The following STON2 variants were observed in gnomAD, a reference collection of about 807,000 sequenced individuals.
The protein encoded by STON2 is stonin-2.
Under a neutral mutation model 65.7 loss-of-function variants are expected in STON2, and 29 were observed. The observed-to-expected ratio is 0.44, with a 90% CI of 0.33 to 0.60. STON2 has a LOEUF of 0.60. STON2 is among the 20% of genes least tolerant of loss of function. The pLI is 0.03. For missense variants in STON2, 1,054 were observed against 1,118.1 expected (o/e 0.94, Z 0.82); for synonymous variants, 404 against 414.2 (o/e 0.98, Z 0.30).
intron 3 of STON2, 136 bp downstream of exon 3, chr14:81,395,758 T>C: frequency 1.2e-6 from 1 of 837,876 alleles, no homozygotes; most frequent in South Asian, 1.7e-5. Flanking sequence ...GAGAACTCCG[T>C]CTGCTCTCCC....
intron 2 of STON2, among the ~76,000 whole-genome samples, chr14:81,422,997 C>T (rs1172534487): frequency 3.3e-5 from 5 of 151,194 alleles, no homozygotes; most frequent in Non-Finnish European, 7.4e-5. Context: ...ATGGCACCAC[C>T]GCACTCCAGC....
chr14:81,278,415 C>A lies in STON2; in HGVS notation c.1067G>T (p.Arg356Leu). 3.1e-6 allele frequency: 5 copies of A among 1,614,122 alleles called. No homozygotes were observed. The highest frequency in any genetic ancestry group is 1.7e-5 in the Admixed American group (1 of 60,022). Residue 356 changes from arginine to leucine, a missense_variant, in exon 6 of 8, where the codon CGC (arginine) becomes CTC (leucine). By Grantham distance (102) the Arg-to-Leu change is moderately radical. Coordinates refer to ENST00000614646, the MANE Select transcript of STON2 (RefSeq NM_001394390.1). Reference sequence around the variant, plus strand: ...TGAAGCCTCAGTTACAGAAGGCGTGCGGTTTAAAGAGGAAATATCCAGCTT... The same window carrying A: ...TGAAGCCTCAGTTACAGAAGGCGTGAGGTTTAAAGAGGAAATATCCAGCTT... The part of the protein sequence containing the change: ...VQKLDISSLN[R>L]TPSVTEASPW...
At chr14:81,369,106 GTCCTT>G in intron 4 of STON2, among the ~76,000 whole-genome samples, 1 of 152,216 alleles carries the variant, frequency 6.6e-6, no homozygotes, top group Non-Finnish European at 1.5e-5. Context: ...CAGTGGCTCT[GTCCTT>G]TCTGTCGCCA....
intron 5 of STON2, among the ~76,000 whole-genome samples, chr14:81,305,764 T>A (rs1896148573): frequency 6.6e-6 from 1 of 152,186 alleles, no homozygotes; most frequent in African/African-American, 2.4e-5. Flanking sequence ...TTAAGTCTCG[T>A]TTAAGATATA....
Position 81,370,975 on chromosome 14 carries a change from A to G in STON2, c.571+13T>C. The G allele has an allele frequency of 6.2e-7, 1 of 1,611,210 alleles. No individual in the cohort carries two copies. Among genetic ancestry groups the G allele is most frequent in the South Asian group, 1.1e-5 (1 of 90,944 alleles). On this transcript the variant is annotated intron_variant, in intron 4 of 7. Transcript: ENST00000614646. ...TGATTTGCAAAGCCCTCTGGCTTAG[A>G]GCTCCATCTTACCAGTTGAGTCAGC...
At chr14:81,363,156 C>A (rs1364992003) in intron 4 of STON2, among the ~76,000 whole-genome samples, 1 of 152,046 alleles carries the variant, frequency 6.6e-6, no homozygotes, top group Admixed American at 6.6e-5. Flanking sequence ...GTGACTTTTG[C>A]CAAATCATTT....
chr14:81,261,308 T>G lies in STON2; in HGVS notation c.*7106A>C, dbSNP rs1257616703. On this transcript the variant is annotated 3_prime_UTR_variant, in exon 8 of 8. Transcript: ENST00000614646. Reference sequence around the variant, plus strand: ...TGTGGGGCTAGACAGCATCCCCAACTAGAATTGAGGGTTTGATCTGTGGGG... The same window carrying G: ...TGTGGGGCTAGACAGCATCCCCAACGAGAATTGAGGGTTTGATCTGTGGGG... 6.6e-6 allele frequency: 1 copy of G among 152,288 alleles called. No homozygotes were observed. Among genetic ancestry groups the G allele is most frequent in the Non-Finnish European group, 1.5e-5 (1 of 68,174 alleles). 9.4% of individuals were successfully genotyped at this position (152,288 alleles called of 1,614,324 possible). A position where few individuals can be genotyped will look rare whatever the true frequency, so the allele number is the denominator to read the frequency against.
chr14:81,302,469 G>C (rs1051138167), intron 5 of STON2, among the ~76,000 whole-genome samples: 8 of 152,200 alleles, frequency 5.3e-5, no homozygotes, highest in African/African-American at 1.9e-4. Flanking sequence ...GAATGTTAAA[G>C]CATTTATGCA....
Position 81,264,502 on chromosome 14 carries a change from T to TA in STON2, c.*3911dup, listed in dbSNP as rs1436605001. ...AGCATTTAAGGTGGCTGAACCCTAT[T>TA]ATATTCCAAGCTTTGTGCTAGGTGT... On this transcript the variant is annotated 3_prime_UTR_variant, in exon 8 of 8. Coordinates refer to ENST00000614646, the MANE Select transcript of STON2 (RefSeq NM_001394390.1). 2 of 985,344 alleles carry TA rather than the reference T, an allele frequency of 2.0e-6. No homozygotes were observed. The highest frequency in any genetic ancestry group is 3.5e-5 in the African/African-American group (2 of 57,252). 61.0% of individuals were successfully genotyped at this position (985,344 alleles called of 1,614,324 possible). A position where few individuals can be genotyped will look rare whatever the true frequency, so the allele number is the denominator to read the frequency against.
chr14:81,376,153 A>C (rs1309899379), intron 3 of STON2, among the ~76,000 whole-genome samples: 1 of 151,870 alleles, frequency 6.6e-6, no homozygotes, highest in East Asian at 1.9e-4. Context: ...AGAGCAAAAT[A>C]AATCACAGAA....
intron 3 of STON2, among the ~76,000 whole-genome samples, chr14:81,392,561 G>GA (rs1900131362): frequency 6.6e-6 from 1 of 152,176 alleles, no homozygotes; most frequent in African/African-American, 2.4e-5. Flanking sequence ...GCATAGTCAT[G>GA]AAAGTGTTAA....
At chr14:81,415,668 C>CAAAAAAAAAAAA (rs35270491) in intron 2 of STON2, among the ~76,000 whole-genome samples, 1 of 77,306 alleles carries the variant, frequency 1.3e-5, no homozygotes, top group African/African-American at 5.2e-5. Context: ...GACTCCATCG[C>CAAAAAAAAAAAA]AAAAAAAAAA....
chr14:81,301,155 C>T (rs561023975), intron 5 of STON2, among the ~76,000 whole-genome samples: 2 of 152,180 alleles, frequency 1.3e-5, no homozygotes, highest in South Asian at 2.1e-4. Context: ...TATCCTTCAG[C>T]TTTAATAATA....
chr14:81,280,147 A>G (rs1895046938), intron 5 of STON2, among the ~76,000 whole-genome samples: 1 of 152,202 alleles, frequency 6.6e-6, no homozygotes. Context: ...TTTATGATAA[A>G]AAGGTTATTA....
chr14:81,339,921 A>C (rs12100588), intron 4 of STON2, among the ~76,000 whole-genome samples: 1 of 151,992 alleles, frequency 6.6e-6, no homozygotes, highest in African/African-American at 2.4e-5. Context: ...TTGGGAGGCC[A>C]AGGCAGGTAG....
chr14:81,326,246 G>A (rs1011020803), intron 4 of STON2, among the ~76,000 whole-genome samples: 2 of 152,094 alleles, frequency 1.3e-5, no homozygotes, highest in East Asian at 1.9e-4. Flanking sequence ...TTGTAATTAC[G>A]GGTTCTGTTC....
intron 5 of STON2, among the ~76,000 whole-genome samples, chr14:81,323,135 A>G (rs8013992): frequency 0.77 from 116,859 of 152,214 alleles, 45,147 homozygotes; most frequent in African/African-American, 0.85. Context: ...GACTAGGCCA[A>G]GAACAGAGGC....
intron 4 of STON2, among the ~76,000 whole-genome samples, chr14:81,369,102 C>T (rs1034856356): frequency 6.6e-6 from 1 of 152,152 alleles, no homozygotes; most frequent in Non-Finnish European, 1.5e-5. Flanking sequence ...TCTGCAGTGG[C>T]TCTGTCCTTT....
chr14:81,339,787 T>C (rs1897521470), intron 4 of STON2, among the ~76,000 whole-genome samples: 1 of 152,218 alleles, frequency 6.6e-6, no homozygotes, highest in African/African-American at 2.4e-5. Context: ...TATGCTATAA[T>C]ATGATGGAAT....
Sources: allele counts gnomAD v4.1 joint callset (sites outside exome capture counted in the v4.1 genomes callset), GRCh38; gene constraint gnomAD v4.1.1; transcripts MANE v1.5; gene names NCBI Gene and HGNC (gene_info 2026-07-23, HGNC 2026-07-21).